Variants in TTC28 observed in about 807,000 individuals in gnomAD.
The protein encoded by TTC28 is tetratricopeptide repeat domain 28, also known as tetratricopeptide repeat protein 28.
A neutral mutation model predicts 198.0 loss-of-function variants in TTC28; 61 were observed. The ratio of observed to expected loss-of-function variants is 0.31; its 90% CI spans 0.25 to 0.38. The LOEUF is 0.38. TTC28 is among the 10% of genes least tolerant of loss of function. The pLI, the probability that TTC28 is intolerant of heterozygous loss-of-function variation, is 1.00. For missense variants in TTC28, 2,678 were observed against 3,164.0 expected (o/e 0.85, Z 3.69); for synonymous variants, 1,171 against 1,297.8 (o/e 0.90, Z 2.10).
intron 5 of TTC28, among the ~76,000 whole-genome samples, chr22:28,191,725 G>A (rs1318496976): frequency 1.3e-5 from 2 of 152,198 alleles, no homozygotes; most frequent in African/African-American, 4.8e-5. Context: ...ATTGCAAGGT[G>A]GAAGCGAGGC....
At chr22:28,414,167 A>G (rs1234317678) in intron 2 of TTC28, among the ~76,000 whole-genome samples, 2 of 152,258 alleles carry the variant, frequency 1.3e-5, no homozygotes, top group East Asian at 3.8e-4. Context: ...GAGTAAGTAC[A>G]TAACAGAAAG....
intron 1 of TTC28, among the ~76,000 whole-genome samples, chr22:28,658,658 C>T (rs956971179): frequency 2.0e-5 from 3 of 152,068 alleles, no homozygotes; most frequent in African/African-American, 7.2e-5. Context: ...CTTAACTGTA[C>T]ACATAAAAAT....
intron 2 of TTC28, among the ~76,000 whole-genome samples, chr22:28,416,113 C>T (rs1429172493): frequency 6.6e-6 from 1 of 152,096 alleles, no homozygotes; most frequent in African/African-American, 2.4e-5. Flanking sequence ...ATAAAAATTG[C>T]CTGATTTTTC....
chr22:28,231,995 G>T (rs997992174), intron 5 of TTC28, among the ~76,000 whole-genome samples: 3 of 152,154 alleles, frequency 2.0e-5, no homozygotes, highest in African/African-American at 7.2e-5. Context: ...TGGGAATTAT[G>T]GATAATTTTT....
intron 5 of TTC28, among the ~76,000 whole-genome samples, chr22:28,264,813 C>A (rs953563917): frequency 1.3e-5 from 2 of 152,144 alleles, no homozygotes; most frequent in Non-Finnish European, 2.9e-5. Flanking sequence ...CTGTGATATA[C>A]ACTGAAGACT....
At chr22:28,403,436 A>T (rs1356761279) in intron 2 of TTC28, among the ~76,000 whole-genome samples, 1 of 152,234 alleles carries the variant, frequency 6.6e-6, no homozygotes, top group African/African-American at 2.4e-5. Flanking sequence ...TCATAAAATG[A>T]ACAATTGCCC....
chr22:28,594,118 T>A (rs918089649), intron 2 of TTC28, among the ~76,000 whole-genome samples: 1 of 152,084 alleles, frequency 6.6e-6, no homozygotes, highest in Non-Finnish European at 1.5e-5. Context: ...GACACTGATG[T>A]TGAACTTAGA....
At chr22:28,584,561 T>C (rs1422236740) in intron 2 of TTC28, among the ~76,000 whole-genome samples, 1 of 152,232 alleles carries the variant, frequency 6.6e-6, no homozygotes, top group Non-Finnish European at 1.5e-5. Flanking sequence ...CATGTGGCTA[T>C]TGAATGTTGG....
chr22:28,385,773 C>T (rs1278796728), intron 2 of TTC28, among the ~76,000 whole-genome samples: 1 of 152,174 alleles, frequency 6.6e-6, no homozygotes, highest in Non-Finnish European at 1.5e-5. Context: ...TCCATCCTAG[C>T]TTTCCAACTT....
chr22:28,094,363 T>C, intron 11 of TTC28, 118 bp from the exon 12 acceptor site: 1 of 1,155,012 alleles, frequency 8.7e-7, no homozygotes, highest in African/African-American at 1.6e-5. Flanking sequence ...CATGCCATCC[T>C]GCAAACCCTG....
chr22:28,603,483 G>A, intron 2 of TTC28, among the ~76,000 whole-genome samples: 1 of 152,070 alleles, frequency 6.6e-6, no homozygotes. Context: ...GGACTCAGAG[G>A]CTCAAATGAT....
chr22:28,164,389 C>G (rs956384789), intron 5 of TTC28, among the ~76,000 whole-genome samples: 5 of 152,174 alleles, frequency 3.3e-5, no homozygotes, highest in African/African-American at 1.2e-4. Flanking sequence ...CTGGGAGGCA[C>G]CCTCCAGTAG....
chr22:28,498,924 C>T (rs548727778), intron 2 of TTC28, among the ~76,000 whole-genome samples: 2 of 152,136 alleles, frequency 1.3e-5, no homozygotes, highest in South Asian at 4.2e-4. Flanking sequence ...GCCTGTAATC[C>T]CAGCACTTTG....
At chr22:28,350,815 T>C (rs142842596) in intron 2 of TTC28, among the ~76,000 whole-genome samples, 1 of 152,304 alleles carries the variant, frequency 6.6e-6, no homozygotes, top group East Asian at 1.9e-4. Context: ...AAAGTGCCAA[T>C]CTATGCACAC....
intron 19 of TTC28, 142 bp downstream of exon 19, chr22:27,992,445 C>A (rs890644658): frequency 1.8e-4 from 152 of 856,910 alleles, no homozygotes; most frequent in Non-Finnish European, 2.4e-4. Context: ...TTCTCTTACT[C>A]CCGGCCCTCA....
At chr22:28,587,652 G>A (rs2050341825) in intron 2 of TTC28, among the ~76,000 whole-genome samples, 1 of 151,572 alleles carries the variant, frequency 6.6e-6, no homozygotes, top group Non-Finnish European at 1.5e-5. Context: ...TCACCATGTT[G>A]GCCAGGCTGG....
At chr22:28,530,683 G>A (rs1399399975) in intron 2 of TTC28, among the ~76,000 whole-genome samples, 2 of 152,168 alleles carry the variant, frequency 1.3e-5, no homozygotes, top group African/African-American at 4.8e-5. Flanking sequence ...CCCACAAAGG[G>A]AAGCCCATCA....
chr22:28,212,043 A>C (rs1048033045), intron 5 of TTC28, among the ~76,000 whole-genome samples: 1 of 152,194 alleles, frequency 6.6e-6, no homozygotes. Context: ...ACATAACGAA[A>C]TGAAGGCAGA....
rs563484347 is a variant in TTC28, at chr22:28,388,935, T to C, written c.382-82292A>G. Among the ~76,000 whole-genome samples, 227 of 152,322 alleles carry C rather than the reference T, an allele frequency of 1.5e-3. 4 individuals are homozygous for C. The highest frequency in any genetic ancestry group is 9.5e-3 in the South Asian group (46 of 4,824). On this transcript the variant is annotated intron_variant, in intron 2 of 22. Transcript: ENST00000397906. ...GTCTTGTGCCAGTTTTCAGTGGGAA[T>C]GCTTCCAGTTTTTGCCCATTCAGTA... is the stretch of plus-strand genomic sequence containing the variant.
Sources: gnomAD v4.1 joint callset for allele counts (sites outside exome capture counted in the v4.1 genomes callset) on GRCh38, gnomAD v4.1.1 for gene constraint, MANE v1.5 for transcripts, NCBI Gene and HGNC (gene_info 2026-07-23, HGNC 2026-07-21) for gene names.